The following ADORA2B variants were observed in gnomAD, a reference collection of about 807,000 sequenced individuals.
ADORA2B encodes adenosine A2b receptor.
ADORA2B carries 18 observed loss-of-function variants against 20.8 expected under a neutral mutation model. The ratio of observed to expected loss-of-function variants is 0.87; its 90% CI spans 0.60 to 1.29. The LOEUF is 1.29. Among genes scored for constraint, ADORA2B ranks in the 50% most tolerant of loss-of-function variants. The probability of loss-of-function intolerance (pLI) is 0.00; values close to 1 mark genes in which losing one functional copy is unlikely to be tolerated. For synonymous variants in ADORA2B, 179 were observed against 178.3 expected (o/e 1.00, Z -0.03); for missense variants, 441 against 422.7 (o/e 1.04, Z -0.38).
chr17:15,957,773 G>A (rs1597425227), intron 1 of ADORA2B, among the ~76,000 whole-genome samples: 1 of 152,156 alleles, frequency 6.6e-6, no homozygotes, highest in East Asian at 1.9e-4. Context: ...CCATTTAAAT[G>A]TGTTCAAACT....
intron 1 of ADORA2B, among the ~76,000 whole-genome samples, chr17:15,958,104 T>C (rs2779201): frequency 0.94 from 141,807 of 151,606 alleles, 66,849 homozygotes; most frequent in Non-Finnish European, 0.99. Flanking sequence ...CCGCAACCTC[T>C]GTCTCCCAGG....
chr17:15,918,300 C>A, the ADORA2B span, among the ~76,000 whole-genome samples: 3 of 152,148 alleles, frequency 2.0e-5, no homozygotes, highest in Non-Finnish European at 4.4e-5. Flanking sequence ...GGCACACAAA[C>A]ATTCAGTGCA....
At chr17:15,861,101 CA>C in the ADORA2B span, 1 of 152,226 alleles carries the variant, frequency 6.6e-6, no homozygotes, top group Admixed American at 6.5e-5. Flanking sequence ...TTGACTTCGA[CA>C]AATACTTGCT....
chr17:15,909,192 TC>T, the ADORA2B span, among the ~76,000 whole-genome samples: 2 of 124,292 alleles, frequency 1.6e-5, no homozygotes, highest in African/African-American at 4.2e-5. Context: ...AGACTACGTC[TC>T]TAAAAAAAAC....
chr17:15,974,604 AGAG>A (rs1970224899), intron 1 of ADORA2B, 72 bp from the exon 2 acceptor site: 3 of 1,344,224 alleles, frequency 2.2e-6, no homozygotes, highest in African/African-American at 2.9e-5. Flanking sequence ...CATGGAAAAA[AGAG>A]GAGGTGGGGT....
the ADORA2B span, among the ~76,000 whole-genome samples, chr17:15,909,536 G>A: frequency 6.6e-6 from 1 of 151,908 alleles, no homozygotes; most frequent in East Asian, 1.9e-4. Context: ...GCTCTGGAGC[G>A]GCCGGCCTCT....
the ADORA2B span, among the ~76,000 whole-genome samples, chr17:15,872,282 G>A: frequency 6.6e-6 from 1 of 152,278 alleles, no homozygotes; most frequent in Non-Finnish European, 1.5e-5. Flanking sequence ...TGGTTCCATT[G>A]GTCTTTTATA....
At chr17:15,859,502 G>A in the ADORA2B span, among the ~76,000 whole-genome samples, 1 of 151,768 alleles carries the variant, frequency 6.6e-6, no homozygotes, top group Non-Finnish European at 1.5e-5. Context: ...ACTGTTTGTG[G>A]GTCATGGGCA....
the ADORA2B span, among the ~76,000 whole-genome samples, chr17:15,888,571 C>A: frequency 7.9e-6 from 1 of 125,906 alleles, no homozygotes; most frequent in Non-Finnish European, 1.7e-5. Context: ...GGAGGATTTC[C>A]CAGAATCTGT....
chr17:15,960,326 G>A (rs62072056), intron 1 of ADORA2B, among the ~76,000 whole-genome samples: 8,403 of 13,822 alleles, frequency 0.61, 3,140 homozygotes, highest in Non-Finnish European at 0.95. Flanking sequence ...AGGCCGAGGC[G>A]GGCGGATCAC....
At chr17:15,934,799 A>AATTT in the ADORA2B span, among the ~76,000 whole-genome samples, 1 of 151,846 alleles carries the variant, frequency 6.6e-6, no homozygotes, top group Non-Finnish European at 1.5e-5. Flanking sequence ...TGTATTAATT[A>AATTT]ATTTATTTAT....
chr17:15,860,558 G>A, the ADORA2B span, among the ~76,000 whole-genome samples: 1 of 151,866 alleles, frequency 6.6e-6, no homozygotes, highest in Non-Finnish European at 1.5e-5. Flanking sequence ...TTCATAAGGT[G>A]CATGCTGGGT....
the ADORA2B span, among the ~76,000 whole-genome samples, chr17:15,874,730 T>C: frequency 6.6e-6 from 1 of 152,080 alleles, no homozygotes; most frequent in Non-Finnish European, 1.5e-5. Flanking sequence ...ATATCACTTA[T>C]CGTGCCTTTT....
the ADORA2B span, among the ~76,000 whole-genome samples, chr17:15,853,841 G>GC: frequency 6.6e-6 from 1 of 152,104 alleles, no homozygotes; most frequent in African/African-American, 2.4e-5. Flanking sequence ...CCTAATTCTT[G>GC]CAAGGACATT....
the ADORA2B span, among the ~76,000 whole-genome samples, chr17:15,906,471 A>G: frequency 5.9e-5 from 9 of 152,190 alleles, no homozygotes; most frequent in South Asian, 2.1e-4. Context: ...TGATCATGAT[A>G]TATTATACTT....
intron 1 of ADORA2B, among the ~76,000 whole-genome samples, chr17:15,957,368 C>A (rs1969980147): frequency 6.6e-6 from 1 of 152,130 alleles, no homozygotes; most frequent in African/African-American, 2.4e-5. Context: ...TGCGTGAGAT[C>A]TGCCATTGTG....
At chr17:15,916,419 A>G in the ADORA2B span, among the ~76,000 whole-genome samples, 6 of 151,738 alleles carry the variant, frequency 4.0e-5, no homozygotes, top group Admixed American at 2.0e-4. Context: ...GACAAGACTC[A>G]CATCTCCAAC....
At chr17:15,925,779 C>T in the ADORA2B span, among the ~76,000 whole-genome samples, 2 of 152,038 alleles carry the variant, frequency 1.3e-5, no homozygotes, top group Admixed American at 6.6e-5. Context: ...GCCAGCCTGG[C>T]CCAGATGGTG....
At chr17:15,880,637 C>T in the ADORA2B span, among the ~76,000 whole-genome samples, 45,613 of 145,416 alleles carry the variant, frequency 0.31, 7,957 homozygotes, top group African/African-American at 0.44. Context: ...AGGGTGAGGG[C>T]GGTGAGAAAC....
Sources: allele counts gnomAD v4.1 joint callset (sites outside exome capture counted in the v4.1 genomes callset), GRCh38; gene constraint gnomAD v4.1.1; transcripts MANE v1.5; gene names NCBI Gene and HGNC (gene_info 2026-07-23, HGNC 2026-07-21).